Variants in FAM78B observed in about 807,000 individuals in gnomAD.
FAM78B encodes protein FAM78B.
In FAM78B, 10 loss-of-function variants were observed where a neutral mutation model predicts 20.0. That is an observed-to-expected ratio of 0.50 (90% CI 0.31 to 0.85). The LOEUF (loss-of-function observed/expected upper bound fraction) is 0.85. Among genes scored for constraint, FAM78B ranks in the 40% least tolerant of loss-of-function variants. The pLI, the probability that FAM78B is intolerant of heterozygous loss-of-function variation, is 0.05. For missense variants in FAM78B, 283 were observed against 345.0 expected, an observed-to-expected ratio of 0.82 and a Z score of 1.42; for synonymous variants, 135 against 132.8, an observed-to-expected ratio of 1.02 and a Z score of -0.12.
At chr1:166,104,185 G>A (rs1180893513) in intron 1 of FAM78B, among the ~76,000 whole-genome samples, 2 of 152,110 alleles carry the variant, frequency 1.3e-5, no homozygotes, top group African/African-American at 4.8e-5. Context: ...AATAAATTAG[G>A]TATTGATGGG....
In FAM78B at chr1:166,109,884, A is replaced by G. The variant is rs1433651787; in HGVS notation, c.264-39121T>C. Among the ~76,000 whole-genome samples the G allele has an allele frequency of 4.6e-3, 81 of 17,474 alleles. 9 individuals carry two copies. Among genetic ancestry groups the G allele is most frequent in the African/African-American group, 0.017 (72 of 4,264 alleles). The allele number at this position is 17,474 out of a possible 152,430, so 11.5% of individuals were successfully genotyped here. On this transcript the variant is annotated intron_variant, in intron 1 of 1. Coordinates refer to ENST00000354422, the MANE Select transcript of FAM78B (RefSeq NM_001017961.5). Reference sequence around the variant, plus strand: ...TATGTATGTGTATATATATATATGTATATATGTATATATATATATATATAT... The same window carrying G: ...TATGTATGTGTATATATATATATGTGTATATGTATATATATATATATATAT...
intron 1 of FAM78B, among the ~76,000 whole-genome samples, chr1:166,105,239 A>G (rs1356711269): frequency 5.3e-5 from 8 of 152,228 alleles, no homozygotes; most frequent in Non-Finnish European, 1.0e-4. Context: ...TTAGACCCAA[A>G]ACCATAAAAA....
intron 1 of FAM78B, among the ~76,000 whole-genome samples, chr1:166,096,377 C>T (rs1036610503): frequency 6.6e-6 from 1 of 152,194 alleles, no homozygotes; most frequent in Non-Finnish European, 1.5e-5. Flanking sequence ...GGATGGGTAG[C>T]TCACTTCACT....
At chr1:166,082,198 C>T (rs1652610409) in intron 1 of FAM78B, among the ~76,000 whole-genome samples, 1 of 152,218 alleles carries the variant, frequency 6.6e-6, no homozygotes, top group Non-Finnish European at 1.5e-5. Context: ...CACCAGTTCT[C>T]CAGCCTCATT....
chr1:166,116,798 C>G (rs1355936485), intron 1 of FAM78B, among the ~76,000 whole-genome samples: 1 of 152,194 alleles, frequency 6.6e-6, no homozygotes, highest in Non-Finnish European at 1.5e-5. Flanking sequence ...AGTGTTGGCT[C>G]TGCTCTGTGA....
intron 1 of FAM78B, among the ~76,000 whole-genome samples, chr1:166,114,628 C>T (rs1054499990): frequency 1.3e-5 from 2 of 152,170 alleles, no homozygotes; most frequent in Admixed American, 6.5e-5. Flanking sequence ...AGACTTGGTC[C>T]ATCCTGCATT....
downstream of FAM78B, among the ~76,000 whole-genome samples, chr1:166,066,616 A>C (rs530053484): frequency 2.6e-5 from 4 of 152,346 alleles, no homozygotes; most frequent in South Asian, 6.2e-4. Context: ...GAAAATGGGA[A>C]TAATACTACT....
chr1:166,165,993 G>T lies in FAM78B; in HGVS notation c.256C>A (p.Leu86Met). The change falls in exon 1 of 2, where the codon CTG (leucine) becomes ATG (methionine). Residue 86 changes from leucine (L) to methionine (M), a missense_variant. Leu to Met is a conservative substitution (Grantham distance 15). Coordinates refer to ENST00000354422, the MANE Select transcript of FAM78B (RefSeq NM_001017961.5). The part of the protein sequence containing the change: ...QMEFFNTYSD[L>M]GMSSWELPDL... ...GCGCGGCGAGTCGCTTACATGCCCA[G>T]GTCGCTGTAGGTGTTGAAGAACTCC... The T allele has an allele frequency of 6.2e-7, 1 of 1,613,012 alleles. No homozygotes were observed. The highest frequency in any genetic ancestry group is 1.1e-5 in the South Asian group (1 of 91,068).
chr1:166,153,489 C>G (rs746965774), intron 1 of FAM78B, among the ~76,000 whole-genome samples: 3 of 152,230 alleles, frequency 2.0e-5, no homozygotes, highest in Non-Finnish European at 4.4e-5. Context: ...ATCGATCAGA[C>G]AGGCAGGAGC....
At chr1:166,108,837 A>C (rs1411541679) in intron 1 of FAM78B, among the ~76,000 whole-genome samples, 1 of 152,224 alleles carries the variant, frequency 6.6e-6, no homozygotes, top group East Asian at 1.9e-4. Context: ...AACAAAATAG[A>C]GAACCCAGAA....
At chr1:166,139,341 T>C (rs1655192586) in intron 1 of FAM78B, among the ~76,000 whole-genome samples, 1 of 152,062 alleles carries the variant, frequency 6.6e-6, no homozygotes, top group Non-Finnish European at 1.5e-5. Flanking sequence ...CCACTGTAGT[T>C]TTACATGCAA....
chr1:166,140,686 T>C (rs1268717516), intron 1 of FAM78B, among the ~76,000 whole-genome samples: 1 of 152,148 alleles, frequency 6.6e-6, no homozygotes, highest in Non-Finnish European at 1.5e-5. Flanking sequence ...TACTAGAAAA[T>C]AGTGTGGTTT....
intron 1 of FAM78B, among the ~76,000 whole-genome samples, chr1:166,157,464 C>G (rs1352620284): frequency 6.6e-6 from 1 of 151,734 alleles, no homozygotes; most frequent in Non-Finnish European, 1.5e-5. Context: ...GACTGGAACC[C>G]TGCGCTGGGG....
chr1:166,074,790 G>A (rs183883708), intron 1 of FAM78B, among the ~76,000 whole-genome samples: 1 of 152,234 alleles, frequency 6.6e-6, no homozygotes, highest in East Asian at 1.9e-4. Context: ...TAGTGAATAT[G>A]AATGTATTTT....
chr1:166,165,960 C>A (rs1054313044), intron 1 of FAM78B, 26 bp downstream of exon 1: 15 of 1,613,150 alleles, frequency 9.3e-6, no homozygotes, highest in Non-Finnish European at 1.2e-5. Flanking sequence ...AGAGTCCGCT[C>A]CCGTGCCGCG....
Position 166,127,081 on chromosome 1 carries a change from T to G in FAM78B, c.263+38905A>C, listed in dbSNP as rs1654671897. 1.3e-5 allele frequency among the ~76,000 whole-genome samples: 2 copies of G among 152,224 alleles called. 1 individual carries two copies. Among genetic ancestry groups the G allele is most frequent in the Admixed American group, 1.3e-4 (2 of 15,288 alleles). ...CTGGGTCTTTCTCTCTCTTACTGGG[T>G]GACATATAATGTTAAACTTTCTGAA... On this transcript the variant is annotated intron_variant, in intron 1 of 1. Coordinates refer to ENST00000354422, the MANE Select transcript of FAM78B (RefSeq NM_001017961.5).
At chr1:166,142,757 A>T (rs1166136824) in intron 1 of FAM78B, among the ~76,000 whole-genome samples, 2 of 152,370 alleles carry the variant, frequency 1.3e-5, no homozygotes, top group East Asian at 3.9e-4. Flanking sequence ...GAAATGATGT[A>T]CGGGTAATGG....
chr1:166,144,275 AG>A (rs1557916175), intron 1 of FAM78B, among the ~76,000 whole-genome samples: 1 of 152,028 alleles, frequency 6.6e-6, no homozygotes, highest in African/African-American at 2.4e-5. Flanking sequence ...GCTGTGAGTA[AG>A]GCTGGGGAGT....
At chr1:166,165,961 C>T (rs369543720) in intron 1 of FAM78B, 25 bp downstream of exon 1, 9 of 1,612,990 alleles carry the variant, frequency 5.6e-6, no homozygotes, top group Non-Finnish European at 7.6e-6. Context: ...GAGTCCGCTC[C>T]CGTGCCGCGC....
Sources: allele counts gnomAD v4.1 joint callset (sites outside exome capture counted in the v4.1 genomes callset), GRCh38; gene constraint gnomAD v4.1.1; transcripts MANE v1.5; gene names NCBI Gene and HGNC (gene_info 2026-07-23, HGNC 2026-07-21).